Variants in ADAMTS20 observed in about 807,000 individuals in gnomAD.
The protein encoded by ADAMTS20 is A disintegrin and metalloproteinase with thrombospondin motifs 20.
A neutral mutation model predicts 260.1 loss-of-function variants in ADAMTS20; 225 were observed. The observed-to-expected ratio is 0.87, with a 90% CI of 0.78 to 0.97. The LOEUF is 0.97. Ranked by LOEUF, ADAMTS20 falls within the 50% of genes least tolerant of loss-of-function variation. ADAMTS20 has a pLI of 0.00. For synonymous variants in ADAMTS20, 802 were observed against 769.5 expected (o/e 1.04, Z -0.70); for missense variants, 2,400 against 2,337.7 (o/e 1.03, Z -0.55).
At chr12:43,537,761 T>G (rs139241502) in intron 2 of ADAMTS20, among the ~76,000 whole-genome samples, 1,539 of 152,310 alleles carry the variant, frequency 0.01, 33 homozygotes, top group African/African-American at 0.034. Flanking sequence ...ACAAATAACA[T>G]GCAGTGTACA....
At chr12:43,380,593 A>T (rs925573443) in intron 31 of ADAMTS20, among the ~76,000 whole-genome samples, 1 of 152,184 alleles carries the variant, frequency 6.6e-6, no homozygotes, top group Non-Finnish European at 1.5e-5. Flanking sequence ...TACACAAAAA[A>T]CAATTCTATT....
At chr12:43,414,338 A>G (rs1941089834) in intron 28 of ADAMTS20, among the ~76,000 whole-genome samples, 2 of 152,106 alleles carry the variant, frequency 1.3e-5, no homozygotes, top group African/African-American at 4.8e-5. Context: ...CCATCTATCT[A>G]CTTAATGCAA....
intron 18 of ADAMTS20, among the ~76,000 whole-genome samples, chr12:43,435,154 C>T (rs1941526414): frequency 6.6e-6 from 1 of 152,154 alleles, no homozygotes; most frequent in Non-Finnish European, 1.5e-5. Context: ...ATAGTAAACT[C>T]TAATGTAAAC....
chr12:43,396,507 T>C (rs1306628333), intron 29 of ADAMTS20, among the ~76,000 whole-genome samples: 6 of 152,136 alleles, frequency 3.9e-5, no homozygotes, highest in African/African-American at 9.7e-5. Context: ...TGGGTGCTTT[T>C]TATAGAATAA....
chr12:43,453,844 C>G, intron 12 of ADAMTS20, 63 bp downstream of exon 12: 1 of 1,536,038 alleles, frequency 6.5e-7, no homozygotes, highest in East Asian at 2.5e-5. Context: ...GTGAGTGAAA[C>G]TGATGTTTAC....
Position 43,429,627 on chromosome 12 carries a change from GA to G in ADAMTS20, c.3478del (p.Ser1160LeufsTer18). ...IKKMAQWRHG[S>X]WTPCSVSCGR... is the part of the protein sequence containing the mutation. ...AAGAAATTCACTTACTGGGGTCCAA[GA>G]ACCATGTCGCCATTGTGCCATCTTT... is the stretch of plus-strand genomic sequence containing the variant. On this transcript the variant is annotated frameshift_variant, in exon 24 of 39. Coordinates refer to ENST00000389420, the MANE Select transcript of ADAMTS20 (RefSeq NM_025003.5). LOFTEE classifies it high-confidence loss of function. 6.3e-7 allele frequency: 1 copy of G among 1,592,976 alleles called. No homozygotes were observed. The highest frequency in any genetic ancestry group is 1.8e-5 in the Admixed American group (1 of 57,036).
At chr12:43,525,093 G>A (rs559594050) in intron 3 of ADAMTS20, among the ~76,000 whole-genome samples, 2 of 152,238 alleles carry the variant, frequency 1.3e-5, no homozygotes, top group African/African-American at 2.4e-5. Flanking sequence ...GCTGTCTAAA[G>A]TAAACATAAA....
Position 43,462,996 on chromosome 12 carries a change from T to C in ADAMTS20, c.1513A>G (p.Ile505Val), listed in dbSNP as rs1942091468. 2.5e-6 allele frequency: 4 copies of C among 1,598,706 alleles called. No individual in the cohort carries two copies. The Admixed American group carries it at 6.9e-5, about 28-fold the overall frequency. ...PGSQMCPHIN[I>V]CMHLWCTSTE... is the part of the protein sequence containing the mutation. ...CTTGTGCACCACAGATGCATGCATA[T>C]ATTCTCCTGAGTAACAAAAGGCAGG... The change falls in exon 11 of 39, where the codon ATA becomes GTA. Residue 505 changes from isoleucine (I) to valine (V), a missense_variant. By Grantham distance (29) the Ile-to-Val change is conservative. Coordinates refer to ENST00000389420, the MANE Select transcript of ADAMTS20 (RefSeq NM_025003.5).
intron 2 of ADAMTS20, among the ~76,000 whole-genome samples, chr12:43,550,569 G>A (rs558825230): frequency 6.6e-6 from 1 of 152,060 alleles, no homozygotes; most frequent in Non-Finnish European, 1.5e-5. Flanking sequence ...CCACGAAAGG[G>A]TACATCTGAG....
At chr12:43,481,298 C>T (rs2137413095) in intron 7 of ADAMTS20, among the ~76,000 whole-genome samples, 1 of 151,948 alleles carries the variant, frequency 6.6e-6, no homozygotes, top group Admixed American at 6.6e-5. Context: ...GATCATTTCA[C>T]TATCTGCAGA....
At chr12:43,536,802 G>GA (rs1191526768) in intron 2 of ADAMTS20, among the ~76,000 whole-genome samples, 2 of 152,084 alleles carry the variant, frequency 1.3e-5, no homozygotes, top group African/African-American at 2.4e-5. Context: ...ACGCTTCACA[G>GA]AAAAAAGCAC....
intron 2 of ADAMTS20, among the ~76,000 whole-genome samples, chr12:43,533,301 G>A (rs275387): frequency 0.3 from 45,186 of 148,184 alleles, 7,848 homozygotes; most frequent in Non-Finnish European, 0.41. Context: ...TTCTCTGATG[G>A]CCAGTGATGA....
intron 37 of ADAMTS20, among the ~76,000 whole-genome samples, chr12:43,359,031 G>A (rs1443776547): frequency 6.6e-6 from 1 of 151,782 alleles, no homozygotes; most frequent in East Asian, 1.9e-4. Context: ...TTCAACATAC[G>A]AGGTCCTCTC....
At chr12:43,428,141 T>A (rs1750719678) in intron 26 of ADAMTS20, 100 bp downstream of exon 26, 1 of 1,193,826 alleles carries the variant, frequency 8.4e-7, no homozygotes. Flanking sequence ...TTGAAATAAA[T>A]TTAGCATTTA....
chr12:43,447,002 G>C (rs1167905642), intron 14 of ADAMTS20, among the ~76,000 whole-genome samples: 2 of 151,840 alleles, frequency 1.3e-5, no homozygotes, highest in Non-Finnish European at 2.9e-5. Context: ...GTAATAAGTA[G>C]GCTACCATCC....
At chr12:43,363,779 A>G (rs1939925188) in intron 37 of ADAMTS20, among the ~76,000 whole-genome samples, 1 of 152,190 alleles carries the variant, frequency 6.6e-6, no homozygotes, top group Non-Finnish European at 1.5e-5. Context: ...TTGAAGTTTA[A>G]CAGAGAGAAT....
chr12:43,477,233 A>G (rs937230864), intron 7 of ADAMTS20, among the ~76,000 whole-genome samples: 1 of 152,184 alleles, frequency 6.6e-6, no homozygotes, highest in Non-Finnish European at 1.5e-5. Context: ...CAATTTCTAT[A>G]GGAATAGTCC....
intron 19 of ADAMTS20, 97 bp from the exon 20 acceptor site, chr12:43,432,908 T>G: frequency 8.9e-7 from 1 of 1,129,252 alleles, no homozygotes; most frequent in Non-Finnish European, 1.3e-6. Context: ...ATCCTAAAAG[T>G]TGATAGACAA....
chr12:43,525,929 T>C (rs1350803961), intron 3 of ADAMTS20, among the ~76,000 whole-genome samples: 1 of 152,016 alleles, frequency 6.6e-6, no homozygotes, highest in Admixed American at 6.6e-5. Flanking sequence ...GTAATAATAA[T>C]GGGGGAATTC....
Sources: gnomAD v4.1 joint callset for allele counts (sites outside exome capture counted in the v4.1 genomes callset) on GRCh38, gnomAD v4.1.1 for gene constraint, MANE v1.5 for transcripts, NCBI Gene and HGNC (gene_info 2026-07-23, HGNC 2026-07-21) for gene names.